MIPEP: variants seen among roughly 807,000 people sequenced by gnomAD.
MIPEP encodes the protein mitochondrial intermediate peptidase.
In MIPEP, 79 loss-of-function variants were observed where a neutral mutation model predicts 90.3. The observed-to-expected ratio is 0.87, with a 90% CI of 0.73 to 1.05. The LOEUF (loss-of-function observed/expected upper bound fraction) is 1.05, where lower values mean the gene tolerates loss of function less well. Among genes scored for constraint, MIPEP ranks in the 50% least tolerant of loss-of-function variants. The pLI is 0.00. For synonymous variants in MIPEP, 334 were observed against 315.8 expected (o/e 1.06, Z -0.61); for missense variants, 940 against 905.6 (o/e 1.04, Z -0.49).
At chr13:23,755,816 G>C (rs1026548015) in intron 18 of MIPEP, among the ~76,000 whole-genome samples, 9 of 150,864 alleles carry the variant, frequency 6.0e-5, no homozygotes, top group African/African-American at 2.2e-4. Context: ...TTTTTCAACA[G>C]GTAAAAAAAC....
intron 14 of MIPEP, among the ~76,000 whole-genome samples, chr13:23,822,424 C>G (rs1245210253): frequency 2.0e-5 from 3 of 152,214 alleles, no homozygotes; most frequent in South Asian, 2.1e-4. Flanking sequence ...ATTGCCCCAC[C>G]CCGCAAGGCT....
intron 16 of MIPEP, among the ~76,000 whole-genome samples, chr13:23,770,402 G>A (rs139529186): frequency 1.7e-3 from 265 of 152,164 alleles, no homozygotes; most frequent in Non-Finnish European, 2.8e-3. Context: ...TCTTCAACAA[G>A]ACCTTCTCTG....
intron 16 of MIPEP, chr13:23,760,685 T>G (rs1024993684): frequency 1.1e-5 from 5 of 460,982 alleles, no homozygotes; most frequent in African/African-American, 8.0e-5. Flanking sequence ...AAATTTCTGT[T>G]GTTTAAGCCA....
rs186104598 is a variant in MIPEP, at chr13:23,777,201, G to A, written c.1849-16984C>T. 2.3e-3 allele frequency among the ~76,000 whole-genome samples: 351 copies of A among 152,262 alleles called. 1 individual carries two copies. The highest frequency in any genetic ancestry group is 0.01 in the Middle Eastern group (3 of 294). Reference sequence around the variant, plus strand: ...AATGGCTGCTGTGGCTCTCAACTCTGAGCACTTTAAAGTATTTGTGTTTCT... The same window carrying A: ...AATGGCTGCTGTGGCTCTCAACTCTAAGCACTTTAAAGTATTTGTGTTTCT... On this transcript the variant is annotated intron_variant, in intron 16 of 18. Transcript: ENST00000382172.
intron 10 of MIPEP, among the ~76,000 whole-genome samples, chr13:23,858,608 C>T (rs1305679253): frequency 6.6e-6 from 1 of 152,054 alleles, no homozygotes; most frequent in African/African-American, 2.4e-5. Context: ...TCCAGCAATG[C>T]TCACAGCCTA....
rs74433892 is a variant in MIPEP, at chr13:23,830,668, A to G, written c.1653+5572T>C. Among the ~76,000 whole-genome samples the G allele has an allele frequency of 2.2e-3, 330 of 152,302 alleles. 2 individuals are homozygous for G. Among genetic ancestry groups the G allele is most frequent in the African/African-American group, 7.1e-3 (295 of 41,554 alleles). On this transcript the variant is annotated intron_variant, in intron 14 of 18. Transcript: ENST00000382172. ...GAATTCCCTTCCACTATTCCTAGTA[A>G]TATTGTTTTTTCCTAGAATGACTTT...
chr13:23,849,491 G>A lies in MIPEP; in HGVS notation c.1107-8003C>T, dbSNP rs184175634. On this transcript the variant is annotated intron_variant, in intron 10 of 18. Coordinates refer to ENST00000382172, the MANE Select transcript of MIPEP (RefSeq NM_005932.4). Reference sequence around the variant, plus strand: ...TTTGATTCCTCTGAAGAAAGAAAGTGGAAGAAAATTGTGTTATCCACTACA... The same window carrying A: ...TTTGATTCCTCTGAAGAAAGAAAGTAGAAGAAAATTGTGTTATCCACTACA... Among the ~76,000 whole-genome samples the A allele has an allele frequency of 2.0e-5, 3 of 152,296 alleles. No individual in the cohort carries two copies. In the East Asian group the frequency reaches 5.8e-4, roughly 29 times the overall value.
intron 16 of MIPEP, among the ~76,000 whole-genome samples, chr13:23,804,125 T>G (rs993139380): frequency 2.6e-5 from 4 of 152,232 alleles, no homozygotes; most frequent in African/African-American, 9.6e-5. Flanking sequence ...CCACTAATAC[T>G]TCATATTTGT....
At chr13:23,834,651 G>A (rs12430111) in intron 14 of MIPEP, among the ~76,000 whole-genome samples, 76,613 of 152,090 alleles carry the variant, frequency 0.5, 20,676 homozygotes, top group East Asian at 0.67. Context: ...GCTGAGAGCT[G>A]ACTGGCGAAT....
intron 16 of MIPEP, among the ~76,000 whole-genome samples, chr13:23,770,387 A>G (rs1171650171): frequency 6.6e-6 from 1 of 152,094 alleles, no homozygotes; most frequent in African/African-American, 2.4e-5. Flanking sequence ...TTTTTAAATT[A>G]CGCTTCTTCA....
At chr13:23,796,365 T>C (rs1381049738) in intron 16 of MIPEP, among the ~76,000 whole-genome samples, 3 of 152,034 alleles carry the variant, frequency 2.0e-5, no homozygotes, top group African/African-American at 7.2e-5. Flanking sequence ...TGCAGTAAGC[T>C]GGCATCGTTC....
At chr13:23,765,035 T>C (rs1270597213) in intron 16 of MIPEP, among the ~76,000 whole-genome samples, 1 of 152,208 alleles carries the variant, frequency 6.6e-6, no homozygotes, top group African/African-American at 2.4e-5. Context: ...GTCGAATACA[T>C]ATTGGCAGGT....
At chr13:23,769,985 C>A (rs1180864450) in intron 16 of MIPEP, among the ~76,000 whole-genome samples, 1 of 152,166 alleles carries the variant, frequency 6.6e-6, no homozygotes, top group Non-Finnish European at 1.5e-5. Flanking sequence ...TGGGACTCTG[C>A]GGCGTCCCCA....
At chr13:23,823,071 G>A (rs1414758989) in intron 14 of MIPEP, among the ~76,000 whole-genome samples, 1 of 151,986 alleles carries the variant, frequency 6.6e-6, no homozygotes, top group Non-Finnish European at 1.5e-5. Context: ...GTGTGTTGAA[G>A]TTTTAGATAC....
Position 23,889,379 on chromosome 13 carries a change from G to T in MIPEP, c.-59C>A, listed in dbSNP as rs1246011809. 2 of 1,235,892 alleles carry T rather than the reference G, an allele frequency of 1.6e-6. No homozygotes were observed. The highest frequency in any genetic ancestry group is 3.1e-5 in the African/African-American group (2 of 64,364). 76.6% of individuals were successfully genotyped at this position (1,235,892 alleles called of 1,614,324 possible). On this transcript the variant is annotated 5_prime_UTR_variant, in exon 1 of 19. Coordinates refer to ENST00000382172, the MANE Select transcript of MIPEP (RefSeq NM_005932.4). ...GATCCCTGCCCTGCTGCTTTCGCTG[G>T]GAGCGCGCGCTCCGCGTTTCCAAGG... is the stretch of plus-strand genomic sequence containing the variant.
At chr13:23,741,682 G>A (rs1952330541) in intron 18 of MIPEP, among the ~76,000 whole-genome samples, 1 of 123,870 alleles carries the variant, frequency 8.1e-6, no homozygotes, top group African/African-American at 3.2e-5. Flanking sequence ...TGGAGCATGG[G>A]AGGAGGGAGA....
chr13:23,867,786 G>A (rs1316823552), intron 7 of MIPEP, among the ~76,000 whole-genome samples: 1 of 152,074 alleles, frequency 6.6e-6, no homozygotes, highest in African/African-American at 2.4e-5. Context: ...ATGTGTTTAG[G>A]CTTCAGTTCT....
At position 23,741,293 on chromosome 13, in the gene MIPEP, A is replaced by G. The variant is rs573071408; in HGVS notation, c.2045-10848T>C. ...TCAAAGAGCTAAAAATAGAACTACC[A>G]TCTGACCCAGCAATCCCATTACTGG... On this transcript the variant is annotated intron_variant, in intron 18 of 18. Transcript: ENST00000382172. 5.0e-4 allele frequency among the ~76,000 whole-genome samples: 76 copies of G among 152,328 alleles called. 2 individuals carry two copies. The Middle Eastern group carries it at 0.01, about 20-fold the overall frequency.
chr13:23,731,835 G>A (rs1952208632), intron 18 of MIPEP, among the ~76,000 whole-genome samples: 1 of 152,016 alleles, frequency 6.6e-6, no homozygotes, highest in Non-Finnish European at 1.5e-5. Context: ...ACAAGGTCAG[G>A]TTTTTCACAG....
Sources: allele counts gnomAD v4.1 joint callset (sites outside exome capture counted in the v4.1 genomes callset), GRCh38; gene constraint gnomAD v4.1.1; transcripts MANE v1.5; gene names NCBI Gene and HGNC (gene_info 2026-07-23, HGNC 2026-07-21).